CHL1: variants seen among roughly 807,000 people sequenced by gnomAD.
CHL1 encodes the protein cell adhesion molecule L1 like.
Under a neutral mutation model 141.9 loss-of-function variants are expected in CHL1, and 96 were observed. The ratio of observed to expected loss-of-function variants is 0.68; its 90% CI spans 0.57 to 0.80. The LOEUF is 0.80. Ranked by LOEUF, CHL1 falls within the 30% of genes least tolerant of loss-of-function variation. The pLI, the probability that CHL1 is intolerant of heterozygous loss-of-function variation, is 0.00. For synonymous variants in CHL1, 613 were observed against 502.2 expected, an observed-to-expected ratio of 1.22 and a Z score of -2.95; for missense variants, 1,820 against 1,457.2, an observed-to-expected ratio of 1.25 and a Z score of -4.05.
intron 8 of CHL1, among the ~76,000 whole-genome samples, chr3:343,340 G>A (rs1702492651): frequency 6.6e-6 from 1 of 152,134 alleles, no homozygotes; most frequent in African/African-American, 2.4e-5. Context: ...ATATAAGGTT[G>A]ATACTTTTGC....
rs573076105 is a variant in CHL1 at position 337,348 on chromosome 3, G to A, written c.386-3446G>A. Among the ~76,000 whole-genome samples, 19 of 130,002 alleles carry A rather than the reference G, an allele frequency of 1.5e-4. No homozygotes were observed. In the South Asian group the frequency reaches 1.7e-3, roughly 12 times the overall value. 85.3% of individuals were successfully genotyped at this position (130,002 alleles called of 152,430 possible). A position where few individuals can be genotyped will look rare whatever the true frequency, so the allele number is the denominator to read the frequency against. ...TGGGACCACAGGCGCCCGCCACCAC[G>A]CCCGGCTAATTTTTTTATATATATT... On this transcript the variant is annotated intron_variant, in intron 5 of 27. Coordinates refer to ENST00000256509, the MANE Select transcript of CHL1 (RefSeq NM_006614.4).
At chr3:313,954 G>C (rs1273026664) in intron 2 of CHL1, among the ~76,000 whole-genome samples, 1 of 151,970 alleles carries the variant, frequency 6.6e-6, no homozygotes, top group Non-Finnish European at 1.5e-5. Flanking sequence ...AAAGCAATGA[G>C]TTACATTAGT....
At chr3:200,964 T>C (rs1048170652) in intron 1 of CHL1, among the ~76,000 whole-genome samples, 3 of 152,224 alleles carry the variant, frequency 2.0e-5, no homozygotes, top group Non-Finnish European at 2.9e-5. Flanking sequence ...GTTAGTTAAT[T>C]ATAGCTTTCT....
chr3:349,827 A>G (rs75675815), intron 10 of CHL1, among the ~76,000 whole-genome samples: 4,795 of 152,292 alleles, frequency 0.031, 246 homozygotes, highest in African/African-American at 0.11. Flanking sequence ...AGTCTCCTAA[A>G]TTATTTTTAT....
At chr3:259,548 T>A (rs906997071) in intron 2 of CHL1, among the ~76,000 whole-genome samples, 1 of 152,186 alleles carries the variant, frequency 6.6e-6, no homozygotes, top group African/African-American at 2.4e-5. Context: ...CATCATCTTA[T>A]CAGGGAGGCC....
rs1159691986 is a variant in CHL1 at position 337,185 on chromosome 3, G to GTTTTT, written c.386-3608_386-3604dup. On this transcript the variant is annotated intron_variant, in intron 5 of 27. Transcript: ENST00000256509. ...TAATGGGATTTCCAAACATTCTTTT[G>GTTTTT]TTTTTGTTTTTTTTTTTTTTTTTGA... Among the ~76,000 whole-genome samples, 6 of 81,118 alleles carry GTTTTT rather than the reference G, an allele frequency of 7.4e-5. 1 individual carries two copies. Among genetic ancestry groups the GTTTTT allele is most frequent in the Non-Finnish European group, 7.3e-5 (3 of 41,068 alleles). The allele number at this position is 81,118 out of a possible 152,430, so 53.2% of individuals were successfully genotyped here. A position where few individuals can be genotyped will look rare whatever the true frequency, so the allele number is the denominator to read the frequency against.
chr3:254,174 T>C (rs1039902900), intron 2 of CHL1, among the ~76,000 whole-genome samples: 1 of 152,168 alleles, frequency 6.6e-6, no homozygotes, highest in African/African-American at 2.4e-5. Flanking sequence ...CTTTGTGCAA[T>C]GTCATGTCCC....
In CHL1 at chr3:290,559, T is replaced by C. The variant is rs377109285; in HGVS notation, c.-94-29124T>C. ...GTTTGCTTAATTGAATGACAAATTC[T>C]AATTAGTCATGCCTGACTAACATAA... On this transcript the variant is annotated intron_variant, in intron 2 of 27. Transcript: ENST00000256509. 1.1e-4 allele frequency among the ~76,000 whole-genome samples: 17 copies of C among 152,346 alleles called. No individual in the cohort carries two copies. The East Asian group carries it at 2.7e-3, about 24-fold the overall frequency.
chr3:258,140 A>T (rs1460104857), intron 2 of CHL1, among the ~76,000 whole-genome samples: 2 of 152,174 alleles, frequency 1.3e-5, no homozygotes, highest in African/African-American at 4.8e-5. Flanking sequence ...CATCAATTTA[A>T]AACGTTCACT....
intron 19 of CHL1, 131 bp downstream of exon 19, chr3:384,017 T>C: frequency 7.0e-6 from 4 of 567,856 alleles, no homozygotes; most frequent in Non-Finnish European, 1.2e-5. Context: ...AATTAACTTG[T>C]GAGTCATCAT....
chr3:356,556 G>C (rs1414043694), intron 11 of CHL1, among the ~76,000 whole-genome samples: 1 of 152,192 alleles, frequency 6.6e-6, no homozygotes, highest in Non-Finnish European at 1.5e-5. Flanking sequence ...GCAGAAAATA[G>C]CTGGGTAAGG....
chr3:279,109 T>C (rs1173934335), intron 2 of CHL1, among the ~76,000 whole-genome samples: 3 of 152,240 alleles, frequency 2.0e-5, no homozygotes. Context: ...ATTAATGGGA[T>C]TTAGTCTTTA....
intron 5 of CHL1, among the ~76,000 whole-genome samples, chr3:330,632 A>T (rs939308465): frequency 6.6e-6 from 1 of 152,214 alleles, no homozygotes; most frequent in African/African-American, 2.4e-5. Flanking sequence ...CTATACACTT[A>T]AAATGCTCAT....
intron 1 of CHL1, among the ~76,000 whole-genome samples, chr3:220,121 G>A (rs1353509878): frequency 6.6e-6 from 1 of 152,190 alleles, no homozygotes; most frequent in Non-Finnish European, 1.5e-5. Context: ...AAATTGAAGG[G>A]ATAGCAATAG....
rs1022070276 is a variant in CHL1, at chr3:342,130, G to A, written c.679+48G>A. 4.6e-6 allele frequency: 7 copies of A among 1,515,666 alleles called. No individual in the cohort carries two copies. The Admixed American group carries it at 8.9e-5, about 19-fold the overall frequency. The allele number at this position is 1,515,666 out of a possible 1,614,324, so 93.9% of individuals were successfully genotyped here. Reference sequence around the variant, plus strand: ...TTCATCATGTATGCTGAATGCAAATGTGTCTGTAATTTCCTTCTGGCTGAA... The same window carrying A: ...TTCATCATGTATGCTGAATGCAAATATGTCTGTAATTTCCTTCTGGCTGAA... On this transcript the variant is annotated intron_variant, in intron 7 of 27. Transcript: ENST00000256509.
In CHL1 at chr3:401,627, T is replaced by C; in HGVS notation, c.3387T>C (p.Val1129=). Residue 1129 remains valine (V), a splice_region_variant and synonymous_variant, in exon 27 of 28, where the codon GTT becomes GTC. Transcript: ENST00000256509. ...TCCCACTTTTTTTCTCTTTTTTAGT[T>C]AAAGAAAAGGAAGATTTGCATCCAG... ...VKRNRGGKYS[V]KEKEDLHPDP... is the part of the protein sequence containing the mutation. 2 of 1,579,358 alleles carry C rather than the reference T, an allele frequency of 1.3e-6. No homozygotes were observed. Among genetic ancestry groups the C allele is most frequent in the Non-Finnish European group, 1.7e-6 (2 of 1,157,568 alleles).
At chr3:235,097 C>A (rs751039576) in intron 1 of CHL1, among the ~76,000 whole-genome samples, 1 of 151,820 alleles carries the variant, frequency 6.6e-6, no homozygotes, top group Non-Finnish European at 1.5e-5. Context: ...CTGGTGCGCT[C>A]ACCCACTAAC....
chr3:310,825 C>A (rs1699695087), intron 2 of CHL1, among the ~76,000 whole-genome samples: 1 of 152,158 alleles, frequency 6.6e-6, no homozygotes, highest in Non-Finnish European at 1.5e-5. Flanking sequence ...TGACACATAT[C>A]CACAATTGTA....
chr3:377,329 C>T (rs570778287), intron 15 of CHL1, among the ~76,000 whole-genome samples: 4 of 152,118 alleles, frequency 2.6e-5, no homozygotes, highest in South Asian at 4.2e-4. Flanking sequence ...AGTGGAGGGG[C>T]GGAGAAAAGA....
Sources: gnomAD v4.1 joint callset for allele counts (sites outside exome capture counted in the v4.1 genomes callset) on GRCh38, gnomAD v4.1.1 for gene constraint, MANE v1.5 for transcripts, NCBI Gene and HGNC (gene_info 2026-07-23, HGNC 2026-07-21) for gene names.